Variants in GABRB1 observed in about 807,000 individuals in gnomAD.
GABRB1 encodes gamma-aminobutyric acid type A receptor subunit beta1.
In GABRB1, 17 loss-of-function variants were observed where a neutral mutation model predicts 51.6. The observed-to-expected ratio is 0.33, with a 90% CI of 0.23 to 0.49. The LOEUF is 0.49. GABRB1 is among the 20% of genes least tolerant of loss of function. GABRB1 has a pLI of 0.99. For missense variants in GABRB1, 410 were observed against 600.6 expected, an observed-to-expected ratio of 0.68 and a Z score of 3.32; for synonymous variants, 247 against 218.9, an observed-to-expected ratio of 1.13 and a Z score of -1.14.
intron 5 of GABRB1, among the ~76,000 whole-genome samples, chr4:47,336,305 G>T (rs1328204332): frequency 6.6e-6 from 1 of 152,146 alleles, no homozygotes; most frequent in African/African-American, 2.4e-5. Flanking sequence ...CTCAAGAAGA[G>T]GTCCAAGTGC....
At chr4:47,269,935 T>TACACACATAC (rs1722792747) in intron 4 of GABRB1, among the ~76,000 whole-genome samples, 4 of 135,970 alleles carry the variant, frequency 2.9e-5, no homozygotes, top group Non-Finnish European at 6.2e-5. Flanking sequence ...CAACTCTCCC[T>TACACACATAC]ACACACACAC....
upstream of GABRB1, among the ~76,000 whole-genome samples, chr4:47,030,063 G>A (rs1484122889): frequency 2.0e-5 from 3 of 151,756 alleles, no homozygotes; most frequent in African/African-American, 7.3e-5. Flanking sequence ...TTTCCATTTA[G>A]AATGTAGGAA....
chr4:47,060,549 T>G (rs913277488), intron 3 of GABRB1, among the ~76,000 whole-genome samples: 1 of 152,180 alleles, frequency 6.6e-6, no homozygotes, highest in Admixed American at 6.5e-5. Context: ...ATTATAAAGA[T>G]AGTTTGCAGT....
chr4:47,150,458 A>G (rs1013196074), intron 3 of GABRB1, among the ~76,000 whole-genome samples: 1 of 152,040 alleles, frequency 6.6e-6, no homozygotes, highest in Admixed American at 6.6e-5. Context: ...TGCAATGAGC[A>G]TTAATAGAAT....
intron 4 of GABRB1, among the ~76,000 whole-genome samples, chr4:47,209,067 T>C (rs986158609): frequency 6.6e-6 from 1 of 152,094 alleles, no homozygotes; most frequent in Non-Finnish European, 1.5e-5. Flanking sequence ...GTAGCTGAAA[T>C]GTATTTATAG....
At chr4:47,195,456 TTAGATGATAGATAGATAGATAGATA>T (rs1210733451) in intron 4 of GABRB1, among the ~76,000 whole-genome samples, 14,861 of 88,748 alleles carry the variant, frequency 0.17, 826 homozygotes, top group Middle Eastern at 0.23. Flanking sequence ...GATAGATAGA[TTAGATGATAGATAGATAGATAGATA>T]GATAGATAGA....
chr4:47,167,626 T>G (rs550814991), intron 4 of GABRB1, among the ~76,000 whole-genome samples: 1 of 152,210 alleles, frequency 6.6e-6, no homozygotes, highest in South Asian at 2.1e-4. Context: ...CATATGGAAA[T>G]GTAATTGCCA....
At chr4:47,114,263 G>C (rs1463039653) in intron 3 of GABRB1, among the ~76,000 whole-genome samples, 1 of 152,198 alleles carries the variant, frequency 6.6e-6, no homozygotes, top group East Asian at 1.9e-4. Flanking sequence ...CATCCTCAGA[G>C]TACTCTCTGA....
chr4:47,127,895 T>C (rs1716231254), intron 3 of GABRB1, among the ~76,000 whole-genome samples: 1 of 151,470 alleles, frequency 6.6e-6, no homozygotes, highest in African/African-American at 2.4e-5. Context: ...ATAGTGGACA[T>C]AAAATATAAC....
chr4:47,224,302 T>A (rs939650233), intron 4 of GABRB1, among the ~76,000 whole-genome samples: 5 of 150,398 alleles, frequency 3.3e-5, no homozygotes, highest in Admixed American at 6.6e-5. Context: ...CTTATTAAAA[T>A]ATATATATAT....
rs73812880 is a variant in GABRB1, at chr4:47,140,037, C to T, written c.241-21212C>T. On this transcript the variant is annotated intron_variant, in intron 3 of 8. Transcript: ENST00000295454. ...AGATGGAAACACAGGTTGTGTGACACTATAGAATTGTGGAAGAAGACAGCA... is the reference window on the plus strand; with the variant it reads ...AGATGGAAACACAGGTTGTGTGACATTATAGAATTGTGGAAGAAGACAGCA... Among the ~76,000 whole-genome samples, 323 of 151,130 alleles carry T rather than the reference C, an allele frequency of 2.1e-3. 2 individuals are homozygous for T. Among genetic ancestry groups the T allele is most frequent in the African/African-American group, 7.7e-3 (315 of 41,170 alleles).
At chr4:47,035,706 G>A (rs1310206315) in intron 3 of GABRB1, among the ~76,000 whole-genome samples, 2 of 152,124 alleles carry the variant, frequency 1.3e-5, no homozygotes, top group Non-Finnish European at 2.9e-5. Context: ...GAGGCAGTTG[G>A]AGTAAATGGA....
At chr4:47,284,408 A>C (rs1056229110) in intron 4 of GABRB1, among the ~76,000 whole-genome samples, 3 of 152,162 alleles carry the variant, frequency 2.0e-5, no homozygotes, top group African/African-American at 7.2e-5. Context: ...TATAAACTTC[A>C]ATTTAGTGAT....
intron 4 of GABRB1, among the ~76,000 whole-genome samples, chr4:47,273,934 G>A (rs906371830): frequency 3.3e-5 from 5 of 151,366 alleles, no homozygotes; most frequent in Non-Finnish European, 5.9e-5. Flanking sequence ...CTTCCTATGT[G>A]TGTATATGTA....
intron 4 of GABRB1, among the ~76,000 whole-genome samples, chr4:47,282,440 A>AT (rs1055134931): frequency 6.6e-6 from 1 of 151,828 alleles, no homozygotes; most frequent in Non-Finnish European, 1.5e-5. Context: ...CCTGTTTTTC[A>AT]TTTTTTTCAG....
intron 5 of GABRB1, among the ~76,000 whole-genome samples, chr4:47,393,368 T>C (rs1343026292): frequency 6.6e-6 from 1 of 152,144 alleles, no homozygotes; most frequent in Non-Finnish European, 1.5e-5. Flanking sequence ...AAATTCAACA[T>C]GGTTCTGTGC....
intron 5 of GABRB1, among the ~76,000 whole-genome samples, chr4:47,399,208 A>G (rs1728296634): frequency 2.0e-5 from 3 of 152,104 alleles, no homozygotes. Context: ...TTCTCCTTAG[A>G]TTTGTTATTA....
chr4:47,381,340 C>T (rs1049723852), intron 5 of GABRB1, among the ~76,000 whole-genome samples: 1 of 152,132 alleles, frequency 6.6e-6, no homozygotes, highest in Non-Finnish European at 1.5e-5. Context: ...AGCTCCCACT[C>T]AACTCTCTGC....
At chr4:47,031,535 G>A, upstream of GABRB1, 2 of 795,534 alleles carry the variant, frequency 2.5e-6, no homozygotes, top group Admixed American at 2.0e-5. Context: ...GTGTCTTTTG[G>A]TAGTGAGCGC....
Sources: gnomAD v4.1 joint callset for allele counts (sites outside exome capture counted in the v4.1 genomes callset) on GRCh38, gnomAD v4.1.1 for gene constraint, MANE v1.5 for transcripts, NCBI Gene and HGNC (gene_info 2026-07-23, HGNC 2026-07-21) for gene names.